Variants in PTPRG observed in about 807,000 individuals in gnomAD.
The protein encoded by PTPRG is protein tyrosine phosphatase receptor type G, also known as receptor-type tyrosine-protein phosphatase gamma.
In PTPRG, 102 loss-of-function variants were observed where a neutral mutation model predicts 165.3. The ratio of observed to expected loss-of-function variants is 0.62; its 90% CI spans 0.53 to 0.73. The LOEUF is 0.73. Ranked by LOEUF, PTPRG falls within the 30% of genes least tolerant of loss-of-function variation. PTPRG has a pLI of 0.00. For missense variants in PTPRG, 1,866 were observed against 1,861.4 expected (o/e 1.00, Z -0.05); for synonymous variants, 675 against 669.5 (o/e 1.01, Z -0.13).
chr3:61,662,533 C>A (rs1424255145), intron 1 of PTPRG, among the ~76,000 whole-genome samples: 1 of 152,206 alleles, frequency 6.6e-6, no homozygotes. Context: ...CCATGCCCCA[C>A]AGAGCCTATG....
At chr3:61,671,342 G>A (rs13061339) in intron 1 of PTPRG, among the ~76,000 whole-genome samples, 12,970 of 151,482 alleles carry the variant, frequency 0.086, 680 homozygotes, top group Non-Finnish European at 0.12. Context: ...GTGATGACTC[G>A]TAAGGAGCAT....
Position 61,710,455 on chromosome 3 carries a change from T to C in PTPRG, c.86-38423T>C, listed in dbSNP as rs150360653. Reference sequence around the variant, plus strand: ...AAGTAAGTAAACGAAGGCTTAGATATAAGAGGAAACTTCTCTTAGTCTCTT... The same window carrying C: ...AAGTAAGTAAACGAAGGCTTAGATACAAGAGGAAACTTCTCTTAGTCTCTT... On this transcript the variant is annotated intron_variant, in intron 1 of 29. Coordinates refer to ENST00000474889, the MANE Select transcript of PTPRG (RefSeq NM_002841.4). Among the ~76,000 whole-genome samples, 883 of 152,270 alleles carry C rather than the reference T, an allele frequency of 5.8e-3. 12 individuals carry two copies. Among genetic ancestry groups the C allele is most frequent in the African/African-American group, 0.02 (826 of 41,546 alleles).
intron 8 of PTPRG, 29 bp downstream of exon 8, chr3:62,168,192 A>C: frequency 1.9e-6 from 3 of 1,555,192 alleles, no homozygotes; most frequent in Non-Finnish European, 2.6e-6. Context: ...CCTTGCCCAG[A>C]GGAAGATTCC....
intron 9 of PTPRG, 41 bp downstream of exon 9, chr3:62,191,694 G>A: frequency 6.4e-7 from 1 of 1,567,504 alleles, no homozygotes; most frequent in Non-Finnish European, 8.8e-7. Flanking sequence ...ATGCTGCAGA[G>A]AGGGACTCCT....
intron 7 of PTPRG, among the ~76,000 whole-genome samples, chr3:62,167,299 A>G (rs1011216105): frequency 4.6e-5 from 7 of 152,216 alleles, no homozygotes; most frequent in African/African-American, 1.7e-4. Flanking sequence ...TTGACTTGCA[A>G]GTCACACATT....
intron 5 of PTPRG, among the ~76,000 whole-genome samples, chr3:62,108,427 C>A: frequency 6.6e-6 from 1 of 152,158 alleles, no homozygotes; most frequent in Admixed American, 6.5e-5. Context: ...ACCACATTTT[C>A]TAAATCCGTT....
At chr3:61,971,229 A>G (rs1364849086) in intron 2 of PTPRG, among the ~76,000 whole-genome samples, 6 of 152,068 alleles carry the variant, frequency 3.9e-5, no homozygotes, top group Non-Finnish European at 8.8e-5. Flanking sequence ...ATTTTTTTGT[A>G]TTTTTAGTAG....
chr3:61,815,831 A>G (rs906231591), intron 2 of PTPRG, among the ~76,000 whole-genome samples: 2 of 152,240 alleles, frequency 1.3e-5, no homozygotes, highest in African/African-American at 2.4e-5. Flanking sequence ...GAATGAATAC[A>G]GCAGAACATG....
chr3:61,915,162 G>T (rs1199718603), intron 2 of PTPRG, among the ~76,000 whole-genome samples: 1 of 152,188 alleles, frequency 6.6e-6, no homozygotes, highest in Non-Finnish European at 1.5e-5. Context: ...CCAGGTGGCG[G>T]AGGTTGCAGT....
intron 2 of PTPRG, among the ~76,000 whole-genome samples, chr3:61,810,802 C>T (rs1201029355): frequency 6.6e-6 from 1 of 152,128 alleles, no homozygotes; most frequent in Non-Finnish European, 1.5e-5. Context: ...AATGGAGAAT[C>T]CAGTCCTTAA....
chr3:61,987,985 A>T (rs980978409), intron 2 of PTPRG, among the ~76,000 whole-genome samples: 1 of 152,192 alleles, frequency 6.6e-6, no homozygotes, highest in Non-Finnish European at 1.5e-5. Flanking sequence ...ACAAAGAGGT[A>T]AAAAAATACA....
intron 2 of PTPRG, among the ~76,000 whole-genome samples, chr3:61,915,056 C>T (rs1380472258): frequency 2.0e-5 from 3 of 152,150 alleles, no homozygotes; most frequent in Non-Finnish European, 4.4e-5. Context: ...TGGTGAAACC[C>T]CGTCTCTACT....
At chr3:61,760,745 A>G (rs1206167503) in intron 2 of PTPRG, among the ~76,000 whole-genome samples, 1 of 151,958 alleles carries the variant, frequency 6.6e-6, no homozygotes, top group Non-Finnish European at 1.5e-5. Context: ...ATTCTTCCTG[A>G]TGCTCTCCCT....
chr3:61,943,850 T>C (rs1213463219), intron 2 of PTPRG, among the ~76,000 whole-genome samples: 1 of 152,178 alleles, frequency 6.6e-6, no homozygotes, highest in Non-Finnish European at 1.5e-5. Context: ...ACTAATGGGA[T>C]AGAGGTCATC....
chr3:61,877,501 G>A (rs756648114), intron 2 of PTPRG, among the ~76,000 whole-genome samples: 8 of 152,102 alleles, frequency 5.3e-5, no homozygotes, highest in Non-Finnish European at 1.2e-4. Context: ...AGAAAGCGGG[G>A]GAAACAGCTG....
intron 2 of PTPRG, among the ~76,000 whole-genome samples, chr3:61,849,479 A>C (rs1221515232): frequency 6.6e-6 from 1 of 152,188 alleles, no homozygotes; most frequent in Non-Finnish European, 1.5e-5. Context: ...TGAAAGATGG[A>C]TTTGAAATAA....
At chr3:62,111,623 A>AT (rs1702668803) in intron 5 of PTPRG, among the ~76,000 whole-genome samples, 1 of 151,928 alleles carries the variant, frequency 6.6e-6, no homozygotes, top group African/African-American at 2.4e-5. Flanking sequence ...CTATTTTCAA[A>AT]TTTTTAGTAG....
chr3:61,907,587 A>T (rs1240615780), intron 2 of PTPRG, among the ~76,000 whole-genome samples: 3 of 152,208 alleles, frequency 2.0e-5, no homozygotes, highest in African/African-American at 7.2e-5. Flanking sequence ...GGAATTTATA[A>T]GTCTAGTAAG....
intron 1 of PTPRG, among the ~76,000 whole-genome samples, chr3:61,596,401 A>G (rs1056004774): frequency 1.3e-5 from 2 of 152,014 alleles, no homozygotes; most frequent in African/African-American, 2.4e-5. Context: ...AGATTTCACT[A>G]GTGGTTTTCA....
Sources: allele counts gnomAD v4.1 joint callset (sites outside exome capture counted in the v4.1 genomes callset), GRCh38; gene constraint gnomAD v4.1.1; transcripts MANE v1.5; gene names NCBI Gene and HGNC (gene_info 2026-07-23, HGNC 2026-07-21).